Variants in GRM1 observed in about 807,000 individuals in gnomAD.
GRM1 encodes metabotropic glutamate receptor 1.
GRM1 carries 33 observed loss-of-function variants against 90.9 expected under a neutral mutation model. The observed-to-expected ratio is 0.36, with a 90% confidence interval of 0.28 to 0.49. GRM1 has a LOEUF of 0.49. Ranked by LOEUF, GRM1 falls within the 20% of genes least tolerant of loss-of-function variation. The pLI is 0.99. For missense variants in GRM1, 1,190 were observed against 1,534.3 expected (o/e 0.78, Z 3.75); for synonymous variants, 700 against 613.2 (o/e 1.14, Z -2.09).
At chr6:146,075,319 C>T (rs1162060718) in intron 1 of GRM1, among the ~76,000 whole-genome samples, 3 of 152,194 alleles carry the variant, frequency 2.0e-5, no homozygotes, top group Non-Finnish European at 4.4e-5. Context: ...AATTGATCAT[C>T]TACTATGTGT....
At position 146,182,713 on chromosome 6, in the gene GRM1, T is replaced by C. The variant is rs192827834; in HGVS notation, c.950+23116T>C. 2.8e-3 allele frequency among the ~76,000 whole-genome samples: 425 copies of C among 152,240 alleles called. 3 individuals are homozygous for C. Among genetic ancestry groups the C allele is most frequent in the African/African-American group, 9.4e-3 (392 of 41,556 alleles). ...ATACAAGTTATTGTTGTATTTTTTTTCTGGAGTGGAATGAGATGCAGTAAT... is the reference window on the plus strand; with the variant it reads ...ATACAAGTTATTGTTGTATTTTTTTCCTGGAGTGGAATGAGATGCAGTAAT... On this transcript the variant is annotated intron_variant, in intron 2 of 7. Coordinates refer to ENST00000282753, the MANE Select transcript of GRM1 (RefSeq NM_001278064.2).
chr6:146,146,333 C>T (rs528498496), intron 1 of GRM1, among the ~76,000 whole-genome samples: 23 of 151,776 alleles, frequency 1.5e-4, no homozygotes, highest in African/African-American at 5.3e-4. Flanking sequence ...GTGATCCACC[C>T]ACCTCTGCCT....
chr6:146,301,052 G>A (rs1363138998), intron 2 of GRM1, among the ~76,000 whole-genome samples: 1 of 152,142 alleles, frequency 6.6e-6, no homozygotes, highest in Non-Finnish European at 1.5e-5. Flanking sequence ...ATGTTTTCTA[G>A]TGACTTTTTT....
In GRM1 at chr6:146,029,080, A is replaced by G. The variant is rs541078786; in HGVS notation, c.-438A>G. On this transcript the variant is annotated 5_prime_UTR_variant, in exon 1 of 8. Coordinates refer to ENST00000282753, the MANE Select transcript of GRM1 (RefSeq NM_001278064.2). ...GCGCTCCAAGCTGTTCCTGCAGCCG[A>G]TATCAGGATGTGCCGAAATGAAACG... is the stretch of plus-strand genomic sequence containing the variant. 2.6e-4 allele frequency: 71 copies of G among 270,976 alleles called. No homozygotes were observed. The Middle Eastern group carries it at 4.0e-3, about 15-fold the overall frequency. 16.8% of individuals were successfully genotyped at this position (270,976 alleles called of 1,614,324 possible).
intron 5 of GRM1, among the ~76,000 whole-genome samples, chr6:146,372,264 T>C (rs1775931598): frequency 6.6e-6 from 1 of 152,212 alleles, no homozygotes; most frequent in Non-Finnish European, 1.5e-5. Context: ...TGTCTTCTTT[T>C]AAGAAACATC....
chr6:146,055,643 G>A lies in GRM1; in HGVS notation c.700+25426G>A, dbSNP rs555773306. On this transcript the variant is annotated intron_variant, in intron 1 of 7. Coordinates refer to ENST00000282753, the MANE Select transcript of GRM1 (RefSeq NM_001278064.2). ...CAGAATTGAAGGGCTGGGGAGGTGT[G>A]CTTCTTTTCTGACAGCACGTAGGCA... Among the ~76,000 whole-genome samples, 3 of 152,192 alleles carry A rather than the reference G, an allele frequency of 2.0e-5. No homozygotes were observed. The East Asian group carries it at 5.8e-4, about 30-fold the overall frequency.
At chr6:146,083,486 A>G (rs560568325) in intron 1 of GRM1, among the ~76,000 whole-genome samples, 5 of 152,260 alleles carry the variant, frequency 3.3e-5, no homozygotes, top group African/African-American at 1.2e-4. Flanking sequence ...GTCTATTGAG[A>G]TAATCATGTG....
At chr6:146,143,668 T>C (rs1036999581) in intron 1 of GRM1, among the ~76,000 whole-genome samples, 3 of 152,250 alleles carry the variant, frequency 2.0e-5, no homozygotes, top group Middle Eastern at 6.8e-3. Context: ...TCTCCTCCCC[T>C]ACAGTAATAC....
intron 4 of GRM1, among the ~76,000 whole-genome samples, chr6:146,355,841 G>A (rs1785563467): frequency 6.6e-6 from 1 of 152,160 alleles, no homozygotes; most frequent in Non-Finnish European, 1.5e-5. Context: ...AGAGGGGCGA[G>A]GGATGAAGAG....
At chr6:146,359,796 G>A (rs1775394482) in intron 5 of GRM1, among the ~76,000 whole-genome samples, 1 of 152,134 alleles carries the variant, frequency 6.6e-6, no homozygotes, top group Non-Finnish European at 1.5e-5. Flanking sequence ...GTTATCGAAG[G>A]AGATCCCAGA....
chr6:146,046,656 A>G (rs1455377238), intron 1 of GRM1, among the ~76,000 whole-genome samples: 2 of 152,080 alleles, frequency 1.3e-5, no homozygotes, highest in African/African-American at 4.8e-5. Context: ...ACCAGGCATC[A>G]GATATTAAAA....
At chr6:146,064,355 C>CT (rs1213270058) in intron 1 of GRM1, among the ~76,000 whole-genome samples, 10 of 152,126 alleles carry the variant, frequency 6.6e-5, no homozygotes, top group Non-Finnish European at 1.5e-4. Context: ...TTTAAGTCTA[C>CT]TTTTATAGTT....
chr6:146,068,594 C>A (rs1032635207), intron 1 of GRM1, among the ~76,000 whole-genome samples: 2 of 152,114 alleles, frequency 1.3e-5, no homozygotes, highest in African/African-American at 4.8e-5. Flanking sequence ...CAGAGCTAAT[C>A]TACAGAATGA....
chr6:146,357,546 A>T lies in GRM1; in HGVS notation c.1454A>T (p.Gln485Leu). Reference protein sequence around the residue: ...APGRYDIMNLQYTEANRYDYV... With the variant: ...APGRYDIMNLLYTEANRYDYV... ...TGTAGGTATGATATCATGAATCTGC[A>T]GTACACTGAAGCTAATCGCTATGAC... The change falls in exon 5 of 8, where the codon CAG (glutamine) becomes CTG (leucine). Residue 485 changes from glutamine to leucine, a missense_variant. This residue lies in a region of GRM1 where 414 missense variants were observed against 598.4 expected (regional missense o/e 0.69). Coordinates refer to ENST00000282753, the MANE Select transcript of GRM1 (RefSeq NM_001278064.2). 1 of 1,613,144 alleles carries T rather than the reference A, an allele frequency of 6.2e-7. No homozygotes were observed. The highest frequency in any genetic ancestry group is 1.3e-5 in the African/African-American group (1 of 74,918).
At chr6:146,043,431 A>G (rs1227314672) in intron 1 of GRM1, among the ~76,000 whole-genome samples, 1 of 151,988 alleles carries the variant, frequency 6.6e-6, no homozygotes. Flanking sequence ...AAAAATTTAG[A>G]CAATGCTTAT....
chr6:146,031,078 A>G (rs1308106633), intron 1 of GRM1, among the ~76,000 whole-genome samples: 1 of 152,190 alleles, frequency 6.6e-6, no homozygotes, highest in Non-Finnish European at 1.5e-5. Flanking sequence ...AGATTAACCT[A>G]AGGTTAAAAG....
At chr6:146,309,205 C>A (rs1000674906) in intron 3 of GRM1, among the ~76,000 whole-genome samples, 1 of 151,970 alleles carries the variant, frequency 6.6e-6, no homozygotes, top group African/African-American at 2.4e-5. Context: ...TCGAGACCAG[C>A]CTGGCCAACA....
At chr6:146,165,561 G>T (rs1392115918) in intron 2 of GRM1, among the ~76,000 whole-genome samples, 2 of 152,090 alleles carry the variant, frequency 1.3e-5, no homozygotes, top group African/African-American at 2.4e-5. Flanking sequence ...GATGCATAAT[G>T]GTCATGACTT....
chr6:146,203,148 A>T (rs558260974), intron 2 of GRM1, among the ~76,000 whole-genome samples: 2 of 151,926 alleles, frequency 1.3e-5, no homozygotes, highest in South Asian at 2.1e-4. Context: ...GAGCCAAGAT[A>T]GCGCCACATC....
Sources: gnomAD v4.1 joint callset for allele counts (sites outside exome capture counted in the v4.1 genomes callset) on GRCh38, gnomAD v4.1.1 for gene constraint, gnomAD v4.1.1 regional missense constraint, MANE v1.5 for transcripts, NCBI Gene and HGNC (gene_info 2026-07-23, HGNC 2026-07-21) for gene names.